Variants in SLC9A9 observed in about 807,000 individuals in gnomAD.
The protein encoded by SLC9A9 is sodium/hydrogen exchanger 9.
A neutral mutation model predicts 77.8 loss-of-function variants in SLC9A9; 62 were observed. The observed-to-expected ratio is 0.80, with a 90% CI of 0.65 to 0.98. SLC9A9 has a LOEUF of 0.98. SLC9A9 is among the 50% of genes least tolerant of loss of function. SLC9A9 has a pLI of 0.00. For synonymous variants in SLC9A9, 320 were observed against 283.5 expected, an observed-to-expected ratio of 1.13 and a Z score of -1.29; for missense variants, 775 against 774.9, an observed-to-expected ratio of 1.00 and a Z score of 0.00.
At chr3:143,848,078 A>C in intron 1 of SLC9A9, 70 bp downstream of exon 1, 4 of 1,407,696 alleles carry the variant, frequency 2.8e-6, no homozygotes, top group African/African-American at 1.4e-5. Context: ...GTACTTTGCT[A>C]TCTGAGCACA....
chr3:143,817,395 G>A (rs375571482), intron 2 of SLC9A9, among the ~76,000 whole-genome samples: 236 of 151,704 alleles, frequency 1.6e-3, no homozygotes, highest in African/African-American at 5.1e-3. Flanking sequence ...TGATCCACCC[G>A]CCTCGGCCTC....
At chr3:143,734,369 G>C (rs563799212) in intron 4 of SLC9A9, among the ~76,000 whole-genome samples, 1 of 152,046 alleles carries the variant, frequency 6.6e-6, no homozygotes, top group African/African-American at 2.4e-5. Context: ...GTGTCTGTGT[G>C]TTTATAAAAT....
chr3:143,276,368 G>A (rs1444874458), intron 14 of SLC9A9, among the ~76,000 whole-genome samples: 1 of 152,158 alleles, frequency 6.6e-6, no homozygotes, highest in Non-Finnish European at 1.5e-5. Flanking sequence ...TGGTATTGGT[G>A]GTTTGTCTCT....
In SLC9A9 at chr3:143,266,651, C is replaced by T; in HGVS notation, c.*51G>A. 6.3e-7 allele frequency: 1 copy of T among 1,591,468 alleles called. No homozygotes were observed. The highest frequency in any genetic ancestry group is 8.6e-7 in the Non-Finnish European group (1 of 1,160,654). On this transcript the variant is annotated 3_prime_UTR_variant, in exon 16 of 16. Coordinates refer to ENST00000316549, the MANE Select transcript of SLC9A9 (RefSeq NM_173653.4). Reference sequence around the variant, plus strand: ...CTGCCTCATCAGCTTGGCTTGTATTCCTCAGTGAGTCTTGCATTACTTGTG... The same window carrying T: ...CTGCCTCATCAGCTTGGCTTGTATTTCTCAGTGAGTCTTGCATTACTTGTG...
chr3:143,531,065 A>C lies in SLC9A9; in HGVS notation c.1089+21297T>G, dbSNP rs558275602. On this transcript the variant is annotated intron_variant, in intron 9 of 15. Transcript: ENST00000316549. Reference sequence around the variant, plus strand: ...ATTATGAGCCACAAACATTTTGTAAAAACTAATGCATGAAAACTAATTTAA... The same window carrying C: ...ATTATGAGCCACAAACATTTTGTAACAACTAATGCATGAAAACTAATTTAA... Among the ~76,000 whole-genome samples, 3 of 152,366 alleles carry C rather than the reference A, an allele frequency of 2.0e-5. No homozygotes were observed. The South Asian group carries it at 6.2e-4, about 32-fold the overall frequency.
At position 143,832,061 on chromosome 3, in the gene SLC9A9, C is replaced by A. The variant is rs774397976; in HGVS notation, c.336G>T (p.Gln112His). The change falls in exon 2 of 16, where the codon CAG becomes CAT. Residue 112 changes from glutamine to histidine, a missense_variant. Coordinates refer to ENST00000316549, the MANE Select transcript of SLC9A9 (RefSeq NM_173653.4). ...YEYKYKREIS[Q>H]HNINPHQGNA... ...TTCCTTGATGAGGATTGATGTTGTG[C>A]TGACTTATTTCTCTTTTGTATTTAT... is the stretch of plus-strand genomic sequence containing the variant. 1 of 1,612,844 alleles carries A rather than the reference C, an allele frequency of 6.2e-7. No homozygotes were observed. The highest frequency in any genetic ancestry group is 8.5e-7 in the Non-Finnish European group (1 of 1,179,372).
At position 143,371,939 on chromosome 3, in the gene SLC9A9, T is replaced by C. The variant is rs188558088; in HGVS notation, c.1525-8376A>G. 885 of 374,654 alleles carry C rather than the reference T, an allele frequency of 2.4e-3. 16 individuals carry two copies. In the Admixed American group the frequency reaches 0.026, roughly 11 times the overall value. The allele number at this position is 374,654 out of a possible 1,614,324, so 23.2% of individuals were successfully genotyped here. ...ATACCAACAGTGACCAAGCTGAGAA[T>C]CAAATCAAGAACTCAATCCCTTTTA... On this transcript the variant is annotated intron_variant, in intron 13 of 15. Transcript: ENST00000316549.
chr3:143,321,361 C>T (rs6765630), intron 14 of SLC9A9, among the ~76,000 whole-genome samples: 9 of 152,128 alleles, frequency 5.9e-5, no homozygotes, highest in South Asian at 2.1e-4. Context: ...TAGGAAGGGA[C>T]GGAAATAGGT....
intron 5 of SLC9A9, among the ~76,000 whole-genome samples, chr3:143,682,797 C>A (rs1476841178): frequency 6.6e-6 from 1 of 152,134 alleles, no homozygotes; most frequent in Non-Finnish European, 1.5e-5. Flanking sequence ...AACATTATAT[C>A]TTTCTGCCCT....
At chr3:143,282,261 C>A (rs1356779265) in intron 14 of SLC9A9, among the ~76,000 whole-genome samples, 1 of 152,166 alleles carries the variant, frequency 6.6e-6, no homozygotes, top group South Asian at 2.1e-4. Flanking sequence ...CACATACCCC[C>A]CCAAACCCAC....
intron 14 of SLC9A9, among the ~76,000 whole-genome samples, chr3:143,311,816 A>G (rs1385418913): frequency 6.6e-6 from 1 of 152,214 alleles, no homozygotes; most frequent in African/African-American, 2.4e-5. Context: ...ATGTGTACTG[A>G]AATCAACCTG....
At chr3:143,628,829 ATG>A (rs2038373348) in intron 6 of SLC9A9, among the ~76,000 whole-genome samples, 1 of 152,140 alleles carries the variant, frequency 6.6e-6, no homozygotes, top group Non-Finnish European at 1.5e-5. Flanking sequence ...GGCCCAAGGA[ATG>A]TATTTAAATA....
chr3:143,611,966 G>C (rs1048239444), intron 6 of SLC9A9, among the ~76,000 whole-genome samples: 4 of 152,134 alleles, frequency 2.6e-5, no homozygotes, highest in African/African-American at 4.8e-5. Context: ...AAATTCCTGG[G>C]TTCAAATGTC....
chr3:143,608,548 C>T (rs2037964550), intron 6 of SLC9A9, among the ~76,000 whole-genome samples: 1 of 152,210 alleles, frequency 6.6e-6, no homozygotes, highest in Non-Finnish European at 1.5e-5. Context: ...TTTCCCTAGA[C>T]TTCTTGTTAT....
At chr3:143,809,492 G>A (rs1310623340) in intron 2 of SLC9A9, among the ~76,000 whole-genome samples, 2 of 152,164 alleles carry the variant, frequency 1.3e-5, no homozygotes, top group African/African-American at 4.8e-5. Context: ...TCTCAGAAAT[G>A]GCTGGATCTG....
At chr3:143,573,690 C>G (rs896528504) in intron 8 of SLC9A9, among the ~76,000 whole-genome samples, 1 of 152,112 alleles carries the variant, frequency 6.6e-6, no homozygotes, top group African/African-American at 2.4e-5. Context: ...CCTAGAGAGC[C>G]TGCTAACATT....
intron 5 of SLC9A9, among the ~76,000 whole-genome samples, chr3:143,680,132 G>A (rs1933037501): frequency 6.6e-6 from 1 of 151,784 alleles, no homozygotes; most frequent in Admixed American, 6.6e-5. Context: ...AAAATGAAGA[G>A]AAATAAATAT....
At chr3:143,517,074 C>A in intron 9 of SLC9A9, 1 of 914,202 alleles carries the variant, frequency 1.1e-6, no homozygotes, top group Non-Finnish European at 1.6e-6. Context: ...ATTTCTTTAA[C>A]TTTTTTTTTT....
intron 4 of SLC9A9, among the ~76,000 whole-genome samples, chr3:143,718,529 A>T (rs1409958379): frequency 6.6e-6 from 1 of 152,214 alleles, no homozygotes; most frequent in African/African-American, 2.4e-5. Flanking sequence ...GCTGTGTCCC[A>T]GCCATCCCAG....
Sources: allele counts gnomAD v4.1 joint callset (sites outside exome capture counted in the v4.1 genomes callset), GRCh38; gene constraint gnomAD v4.1.1; transcripts MANE v1.5; gene names NCBI Gene and HGNC (gene_info 2026-07-23, HGNC 2026-07-21).